The following HDAC9 variants were observed in gnomAD, a reference collection of about 807,000 sequenced individuals.
HDAC9 encodes histone deacetylase 9.
Under a neutral mutation model 139.4 loss-of-function variants are expected in HDAC9, and 41 were observed. That is an observed-to-expected ratio of 0.29 (90% CI 0.23 to 0.38). The LOEUF (loss-of-function observed/expected upper bound fraction) is 0.38. Ranked by LOEUF, HDAC9 falls within the 10% of genes least tolerant of loss-of-function variation. The probability of loss-of-function intolerance (pLI) is 1.00; values close to 1 mark genes in which losing one functional copy is unlikely to be tolerated. For synonymous variants in HDAC9, 517 were observed against 476.2 expected (o/e 1.09, Z -1.12); for missense variants, 1,147 against 1,297.0 (o/e 0.88, Z 1.78).
chr7:18,165,827 C>G (rs1206951447), intron 2 of HDAC9, among the ~76,000 whole-genome samples: 1 of 151,236 alleles, frequency 6.6e-6, no homozygotes, highest in Non-Finnish European at 1.5e-5. Context: ...AGAAAGAAAG[C>G]TAACACAGTG....
chr7:18,115,332 G>A (rs1263701292), intron 1 of HDAC9, among the ~76,000 whole-genome samples: 1 of 151,396 alleles, frequency 6.6e-6, no homozygotes, highest in African/African-American at 2.4e-5. Context: ...CAATCTTGCA[G>A]TATTCACATT....
At chr7:18,752,973 A>G (rs527689743) in intron 14 of HDAC9, among the ~76,000 whole-genome samples, 2 of 152,192 alleles carry the variant, frequency 1.3e-5, no homozygotes, top group South Asian at 4.2e-4. Flanking sequence ...TCTCGTTGCT[A>G]ACATGTGTCT....
At chr7:18,662,362 C>T (rs1210632493) in intron 11 of HDAC9, among the ~76,000 whole-genome samples, 5 of 146,912 alleles carry the variant, frequency 3.4e-5, no homozygotes, top group Non-Finnish European at 3.0e-5. Context: ...CAGTGAAGAG[C>T]GATAACTCAA....
chr7:18,817,225 C>T (rs112838726), intron 17 of HDAC9, among the ~76,000 whole-genome samples: 2 of 151,996 alleles, frequency 1.3e-5, no homozygotes, highest in African/African-American at 4.8e-5. Context: ...TTAGTAGAGA[C>T]GGGTTTCACC....
intron 2 of HDAC9, among the ~76,000 whole-genome samples, chr7:18,515,179 A>T (rs1370260594): frequency 1.3e-5 from 2 of 152,218 alleles, no homozygotes; most frequent in Non-Finnish European, 2.9e-5. Context: ...AATGATGCCA[A>T]AGCTACATGT....
rs549047106 is a variant in HDAC9 at position 18,854,775 on chromosome 7, A to T, written c.2684+18778A>T. On this transcript the variant is annotated intron_variant, in intron 21 of 25. Transcript: ENST00000686413. ...AGTAAGGAGCCACTACAGCAAGAAAAAAAACAAAAATAGTAAATGCCATTA... is the reference window on the plus strand; with the variant it reads ...AGTAAGGAGCCACTACAGCAAGAAATAAAACAAAAATAGTAAATGCCATTA... Among the ~76,000 whole-genome samples the T allele has an allele frequency of 5.3e-5, 8 of 152,278 alleles. No individual in the cohort carries two copies. The South Asian group carries it at 1.7e-3, about 32-fold the overall frequency.
intron 1 of HDAC9, among the ~76,000 whole-genome samples, chr7:18,449,609 A>G (rs942219330): frequency 4.6e-5 from 7 of 152,156 alleles, no homozygotes; most frequent in Non-Finnish European, 1.0e-4. Flanking sequence ...GGATGTATGT[A>G]GCACTGGAAT....
chr7:18,285,021 A>G (rs946744142), intron 2 of HDAC9, among the ~76,000 whole-genome samples: 1 of 152,126 alleles, frequency 6.6e-6, no homozygotes, highest in Non-Finnish European at 1.5e-5. Flanking sequence ...TATCAAGGAG[A>G]AAAATTAAAA....
chr7:18,630,803 T>C (rs1782101881), intron 7 of HDAC9, among the ~76,000 whole-genome samples: 2 of 152,060 alleles, frequency 1.3e-5, no homozygotes. Flanking sequence ...GTTTTTCTAA[T>C]AGAGGTCTTT....
intron 24 of HDAC9, among the ~76,000 whole-genome samples, chr7:18,960,258 C>T (rs1365871725): frequency 6.6e-6 from 1 of 152,094 alleles, no homozygotes; most frequent in Non-Finnish European, 1.5e-5. Flanking sequence ...AGAATGAAAT[C>T]AGATTTTCCC....
At chr7:18,657,133 A>AT (rs1437295187) in intron 11 of HDAC9, among the ~76,000 whole-genome samples, 3 of 151,740 alleles carry the variant, frequency 2.0e-5, no homozygotes, top group Non-Finnish European at 4.4e-5. Flanking sequence ...AGATTATTAG[A>AT]TTTTTTTCCT....
At chr7:18,836,059 C>T in intron 21 of HDAC9, 62 bp downstream of exon 21, 1 of 847,574 alleles carries the variant, frequency 1.2e-6, no homozygotes, top group Non-Finnish European at 1.9e-6. Context: ...TGAAATAACA[C>T]CAAATATGGA....
intron 2 of HDAC9, among the ~76,000 whole-genome samples, chr7:18,241,918 G>A (rs1368306068): frequency 1.3e-5 from 2 of 152,196 alleles, no homozygotes; most frequent in Admixed American, 6.5e-5. Flanking sequence ...GTCTGTCTAG[G>A]GATTGGGCTG....
chr7:18,168,399 C>G (rs1161961934), intron 2 of HDAC9, among the ~76,000 whole-genome samples: 1 of 152,148 alleles, frequency 6.6e-6, no homozygotes, highest in African/African-American at 2.4e-5. Context: ...TACTATAAAA[C>G]AATGCTAGAC....
At chr7:18,439,474 C>G (rs1051218648) in intron 1 of HDAC9, among the ~76,000 whole-genome samples, 3 of 152,154 alleles carry the variant, frequency 2.0e-5, no homozygotes, top group Admixed American at 6.6e-5. Context: ...TTTTGCCCAT[C>G]TCACGTCTGC....
At chr7:18,913,566 T>A (rs2129290577) in intron 22 of HDAC9, among the ~76,000 whole-genome samples, 1 of 152,220 alleles carries the variant, frequency 6.6e-6, no homozygotes, top group Admixed American at 6.6e-5. Context: ...TGCCTGACCC[T>A]GTGCCAGAAA....
At chr7:18,751,792 C>G (rs531496370) in intron 14 of HDAC9, among the ~76,000 whole-genome samples, 1 of 152,012 alleles carries the variant, frequency 6.6e-6, no homozygotes, top group Non-Finnish European at 1.5e-5. Flanking sequence ...TAAAACAGAA[C>G]TAAAAGGGAA....
intron 2 of HDAC9, among the ~76,000 whole-genome samples, chr7:18,172,944 A>G (rs1410470514): frequency 6.6e-6 from 1 of 152,210 alleles, no homozygotes; most frequent in African/African-American, 2.4e-5. Flanking sequence ...TGGGGTGGAG[A>G]GTTCTCTAGC....
At chr7:18,271,325 G>A (rs1796335443) in intron 2 of HDAC9, among the ~76,000 whole-genome samples, 1 of 152,108 alleles carries the variant, frequency 6.6e-6, no homozygotes, top group Non-Finnish European at 1.5e-5. Context: ...TTGTACCGGA[G>A]CTTTTTGTGA....
Sources: gnomAD v4.1 joint callset for allele counts (sites outside exome capture counted in the v4.1 genomes callset) on GRCh38, gnomAD v4.1.1 for gene constraint, MANE v1.5 for transcripts, NCBI Gene and HGNC (gene_info 2026-07-23, HGNC 2026-07-21) for gene names.